Variants in REPS1 observed in about 807,000 individuals in gnomAD.
REPS1 encodes the protein RALBP1 associated Eps domain containing 1.
In REPS1, 39 loss-of-function variants were observed where a neutral mutation model predicts 100.9. That is an observed-to-expected ratio of 0.39 (90% CI 0.30 to 0.50). REPS1 has a LOEUF of 0.50. Among genes scored for constraint, REPS1 ranks in the 20% least tolerant of loss-of-function variants. REPS1 has a pLI of 0.86. For missense variants in REPS1, 821 were observed against 968.5 expected (o/e 0.85, Z 2.02); for synonymous variants, 324 against 340.3 (o/e 0.95, Z 0.53).
intron 1 of REPS1, among the ~76,000 whole-genome samples, chr6:138,966,310 A>G (rs1181929780): frequency 6.6e-6 from 1 of 152,192 alleles, no homozygotes; most frequent in Non-Finnish European, 1.5e-5. Flanking sequence ...TGGGACAGGG[A>G]AATTTCTTTA....
At chr6:138,980,649 C>T (rs1784891376) in intron 1 of REPS1, among the ~76,000 whole-genome samples, 1 of 123,202 alleles carries the variant, frequency 8.1e-6, no homozygotes, top group Admixed American at 1.0e-4. Flanking sequence ...TATTATTGTA[C>T]ACAGTTCTTT....
At chr6:138,948,494 C>A (rs1782783631) in intron 1 of REPS1, among the ~76,000 whole-genome samples, 1 of 152,032 alleles carries the variant, frequency 6.6e-6, no homozygotes, top group Admixed American at 6.5e-5. Flanking sequence ...TTAAAACAAA[C>A]AAAATTTGTC....
At chr6:138,958,560 C>A (rs1053580835) in intron 1 of REPS1, among the ~76,000 whole-genome samples, 3 of 151,978 alleles carry the variant, frequency 2.0e-5, no homozygotes. Flanking sequence ...TGTGTTCTCA[C>A]GGTTCAACTC....
At chr6:138,925,454 C>G (rs541338038) in intron 10 of REPS1, among the ~76,000 whole-genome samples, 1 of 152,322 alleles carries the variant, frequency 6.6e-6, no homozygotes, top group Non-Finnish European at 1.5e-5. Context: ...TCTTCAAAAT[C>G]TCTTTAGATG....
rs535005852 is a variant in REPS1 at position 138,913,041 on chromosome 6, T to C, written c.1786-91A>G. The C allele has an allele frequency of 6.7e-5, 66 of 984,210 alleles. 1 individual carries two copies. In the Admixed American group the frequency reaches 9.7e-4, roughly 14 times the overall value. 61.0% of individuals were successfully genotyped at this position (984,210 alleles called of 1,614,324 possible). A position where few individuals can be genotyped will look rare whatever the true frequency, so the allele number is the denominator to read the frequency against. On this transcript the variant is annotated intron_variant, in intron 15 of 19. Coordinates refer to ENST00000450536, the MANE Select transcript of REPS1 (RefSeq NM_001286611.2). ...TCTTCTTCTTCGAAAACTTAGTATA[T>C]AAAGATGACCTGTTTTATTATCTGT...
In REPS1 at chr6:138,912,573, C is replaced by T. The variant is rs1050130624; in HGVS notation, c.1971+192G>A. On this transcript the variant is annotated intron_variant, in intron 16 of 19. Coordinates refer to ENST00000450536, the MANE Select transcript of REPS1 (RefSeq NM_001286611.2). Reference sequence around the variant, plus strand: ...TGCATGTGATATCAATCCCCCACCCCCACCAGACTCTGATACTTAGTAAGC... The same window carrying T: ...TGCATGTGATATCAATCCCCCACCCTCACCAGACTCTGATACTTAGTAAGC... 79 of 604,776 alleles carry T rather than the reference C, an allele frequency of 1.3e-4. No individual in the cohort carries two copies. In the Middle Eastern group the frequency reaches 1.7e-3, roughly 13 times the overall value. 37.5% of individuals were successfully genotyped at this position (604,776 alleles called of 1,614,324 possible). A position where few individuals can be genotyped will look rare whatever the true frequency, so the allele number is the denominator to read the frequency against.
At chr6:138,971,434 C>T (rs952503420) in intron 1 of REPS1, among the ~76,000 whole-genome samples, 3 of 151,766 alleles carry the variant, frequency 2.0e-5, no homozygotes, top group African/African-American at 7.3e-5. Context: ...GCCAGGCACA[C>T]TGGAACTCTG....
At chr6:138,961,288 G>C (rs1783723147) in intron 1 of REPS1, among the ~76,000 whole-genome samples, 1 of 152,110 alleles carries the variant, frequency 6.6e-6, no homozygotes, top group African/African-American at 2.4e-5. Flanking sequence ...CCAGGCTGGA[G>C]TGCAGTGGCA....
intron 1 of REPS1, among the ~76,000 whole-genome samples, chr6:138,967,636 T>A (rs1042320964): frequency 6.6e-6 from 1 of 152,132 alleles, no homozygotes; most frequent in African/African-American, 2.4e-5. Flanking sequence ...TTTACCATAA[T>A]CCCAGTGCAG....
At chr6:138,978,745 C>T (rs1223133460) in intron 1 of REPS1, among the ~76,000 whole-genome samples, 2 of 152,098 alleles carry the variant, frequency 1.3e-5, no homozygotes, top group African/African-American at 2.4e-5. Context: ...GTTACTACTA[C>T]ACTGTTAATC....
chr6:138,934,022 A>C (rs1781646924), intron 8 of REPS1, among the ~76,000 whole-genome samples: 1 of 152,244 alleles, frequency 6.6e-6, no homozygotes, highest in African/African-American at 2.4e-5. Context: ...TGTTTCTGGG[A>C]TAAATTAGCA....
At chr6:138,945,468 A>G (rs1782548998) in intron 3 of REPS1, 33 bp downstream of exon 3, 1 of 1,583,852 alleles carries the variant, frequency 6.3e-7, no homozygotes. Flanking sequence ...TGCACAGGGC[A>G]TCAACTGCTA....
intron 8 of REPS1, chr6:138,934,354 TA>T (rs1562531151): frequency 2.1e-6 from 1 of 470,300 alleles, no homozygotes; most frequent in South Asian, 1.6e-5. Context: ...GAGCCTAAAT[TA>T]TTCGTTAAAG....
intron 16 of REPS1, among the ~76,000 whole-genome samples, chr6:138,911,768 G>A (rs1468817884): frequency 1.3e-5 from 2 of 151,380 alleles, no homozygotes; most frequent in African/African-American, 4.9e-5. Flanking sequence ...AGGATGGGGT[G>A]AGGATGCAGG....
At chr6:138,982,257 C>T (rs1025726891) in intron 1 of REPS1, among the ~76,000 whole-genome samples, 4 of 152,148 alleles carry the variant, frequency 2.6e-5, no homozygotes, top group Non-Finnish European at 5.9e-5. Flanking sequence ...AAGACAAAAA[C>T]AAAATGGTTT....
chr6:138,987,626 G>A lies in REPS1; in HGVS notation c.57C>T (p.Ser19=). The A allele has an allele frequency of 1.3e-6, 2 of 1,551,066 alleles. No individual in the cohort carries two copies. The highest frequency in any genetic ancestry group is 1.4e-5 in the African/African-American group (1 of 73,084). The change falls in exon 1 of 20, where the codon TCC becomes TCT. Residue 19 remains serine (S), a synonymous_variant. Coordinates refer to ENST00000450536, the MANE Select transcript of REPS1 (RefSeq NM_001286611.2). ...TCTTGGTGCTCTCAATGTCGCAGTA[G>A]GAGAAGAGATCTGAATAGTATTTCT... is the stretch of plus-strand genomic sequence containing the variant. The part of the protein sequence containing the change: ...AEQKYYSDLF[S]YCDIESTKKV...
Position 138,945,275 on chromosome 6 carries a change from T to A in REPS1, c.572A>T (p.Glu191Val). The A allele has an allele frequency of 6.2e-7, 1 of 1,611,636 alleles. No individual in the cohort carries two copies. Among genetic ancestry groups the A allele is most frequent in the Non-Finnish European group, 8.5e-7 (1 of 1,179,582 alleles). ...HSRHPSGGNSERPLAGPGPFW... is the reference protein window; with the variant it reads ...HSRHPSGGNSVRPLAGPGPFW... ...TGGCCCAGGTCCCGCGAGAGGCCTCTCACTATTCCCACCGCTGGGATGACG... is the reference window on the plus strand; with the variant it reads ...TGGCCCAGGTCCCGCGAGAGGCCTCACACTATTCCCACCGCTGGGATGACG... Residue 191 changes from glutamate (E) to valine (V), a missense_variant, in exon 4 of 20, where the codon GAG becomes GTG. Physicochemically the swap from Glu to Val is moderately radical, Grantham distance 121. Coordinates refer to ENST00000450536, the MANE Select transcript of REPS1 (RefSeq NM_001286611.2).
chr6:138,969,310 G>T, intron 1 of REPS1, among the ~76,000 whole-genome samples: 1 of 85,086 alleles, frequency 1.2e-5, no homozygotes, highest in South Asian at 4.6e-4. Context: ...GATAGCTCTC[G>T]CTCTGTCTCC....
In REPS1 at chr6:138,921,567, CTTTTTTTTTTTT is replaced by C. The variant is rs755518526; in HGVS notation, c.1339-455_1339-444del. 1.6e-4 allele frequency among the ~76,000 whole-genome samples: 9 copies of C among 57,646 alleles called. No homozygotes were observed. The East Asian group carries it at 1.7e-3, about 11-fold the overall frequency. The allele number at this position is 57,646 out of a possible 152,430, so 37.8% of individuals were successfully genotyped here. A position where few individuals can be genotyped will look rare whatever the true frequency, so the allele number is the denominator to read the frequency against. On this transcript the variant is annotated intron_variant, in intron 10 of 19. Transcript: ENST00000450536. ...TCGGGGATGCTTAGGTAGGAGGATC[CTTTTTTTTTTTT>C]TTTTTTTTTTTTTTTGAGATGGAGT...
Sources: gnomAD v4.1 joint callset for allele counts (sites outside exome capture counted in the v4.1 genomes callset) on GRCh38, gnomAD v4.1.1 for gene constraint, MANE v1.5 for transcripts, NCBI Gene and HGNC (gene_info 2026-07-23, HGNC 2026-07-21) for gene names.